The following SMYD3 variants were observed in gnomAD, a reference collection of about 807,000 sequenced individuals.
SMYD3 encodes the protein histone-lysine N-methyltransferase SMYD3.
SMYD3 carries 36 observed loss-of-function variants against 57.7 expected under a neutral mutation model. The ratio of observed to expected loss-of-function variants is 0.62; its 90% CI spans 0.48 to 0.82. The LOEUF (loss-of-function observed/expected upper bound fraction) is 0.82. Among genes scored for constraint, SMYD3 ranks in the 40% least tolerant of loss-of-function variants. The pLI, the probability that SMYD3 is intolerant of heterozygous loss-of-function variation, is 0.00. For synonymous variants in SMYD3, 211 were observed against 195.0 expected (o/e 1.08, Z -0.68); for missense variants, 515 against 538.8 (o/e 0.96, Z 0.44).
At chr1:246,250,302 T>C (rs187469999) in intron 5 of SMYD3, among the ~76,000 whole-genome samples, 2 of 152,318 alleles carry the variant, frequency 1.3e-5, no homozygotes, top group Admixed American at 1.3e-4. Context: ...ATGGAATAGC[T>C]ACCTGAAGAA....
chr1:245,912,998 C>T lies in SMYD3; in HGVS notation c.813+2532G>A, dbSNP rs182488665. On this transcript the variant is annotated intron_variant, in intron 8 of 11. Coordinates refer to ENST00000490107, the MANE Select transcript of SMYD3 (RefSeq NM_001167740.2). ...AACTAGAAATACCATTTGACCCAGC[C>T]ATCCCATTACTGGGTATATACCCAA... is the stretch of plus-strand genomic sequence containing the variant. Among the ~76,000 whole-genome samples, 360 of 152,270 alleles carry T rather than the reference C, an allele frequency of 2.4e-3. 2 individuals are homozygous for T. Among genetic ancestry groups the T allele is most frequent in the Non-Finnish European group, 3.9e-3 (268 of 68,018 alleles).
chr1:246,450,218 G>C (rs2067612020), intron 1 of SMYD3, among the ~76,000 whole-genome samples: 1 of 152,046 alleles, frequency 6.6e-6, no homozygotes, highest in Non-Finnish European at 1.5e-5. Context: ...ACGCCTCCGG[G>C]AGGCGGAGGT....
chr1:245,915,764 A>G, intron 7 of SMYD3, 124 bp from the exon 8 acceptor site: 1 of 586,850 alleles, frequency 1.7e-6, no homozygotes, highest in East Asian at 2.8e-5. Flanking sequence ...AAAATATAAG[A>G]GAGAAGGTAC....
intron 1 of SMYD3, among the ~76,000 whole-genome samples, chr1:246,455,828 C>A (rs1389129777): frequency 6.6e-6 from 1 of 152,114 alleles, no homozygotes; most frequent in Non-Finnish European, 1.5e-5. Context: ...AACTTGGAGG[C>A]AGATATAGGT....
At chr1:245,870,835 A>ACAT (rs34384524) in intron 8 of SMYD3, among the ~76,000 whole-genome samples, 136,369 of 152,030 alleles carry the variant, frequency 0.9, 62,134 homozygotes, top group East Asian at 1. Flanking sequence ...GTCAGGTTAA[A>ACAT]CACACGAATC....
intron 8 of SMYD3, 97 bp downstream of exon 8, chr1:245,915,433 G>A (rs753518898): frequency 1.4e-6 from 1 of 716,614 alleles, no homozygotes; most frequent in Non-Finnish European, 2.5e-6. Flanking sequence ...TGTACTGAGG[G>A]TCATTACTTT....
intron 1 of SMYD3, among the ~76,000 whole-genome samples, chr1:246,459,739 T>C (rs751985747): frequency 1.3e-5 from 2 of 152,146 alleles, no homozygotes; most frequent in South Asian, 2.1e-4. Flanking sequence ...GACTTGAAAC[T>C]ACTAACTCAT....
chr1:246,366,309 T>C (rs1558426994), intron 1 of SMYD3, among the ~76,000 whole-genome samples: 1 of 152,180 alleles, frequency 6.6e-6, no homozygotes, highest in Non-Finnish European at 1.5e-5. Flanking sequence ...TGTTTTTACA[T>C]ATTAAATGAC....
chr1:246,496,114 G>A (rs1475060581), intron 1 of SMYD3, among the ~76,000 whole-genome samples: 2 of 151,788 alleles, frequency 1.3e-5, no homozygotes, highest in Non-Finnish European at 2.9e-5. Flanking sequence ...TCAACTCCCC[G>A]TAACCTCTGC....
At chr1:246,501,072 T>C (rs186982334) in intron 1 of SMYD3, among the ~76,000 whole-genome samples, 1 of 152,354 alleles carries the variant, frequency 6.6e-6, no homozygotes, top group African/African-American at 2.4e-5. Flanking sequence ...TCGTTCAAGG[T>C]TCTGCTCTTT....
chr1:245,794,542 G>A (rs1303461776), intron 10 of SMYD3, among the ~76,000 whole-genome samples: 6 of 152,172 alleles, frequency 3.9e-5, no homozygotes, highest in Non-Finnish European at 7.3e-5. Flanking sequence ...GTACTTGGGG[G>A]TATGCTTTGA....
At chr1:246,331,835 T>C (rs971668004) in intron 3 of SMYD3, among the ~76,000 whole-genome samples, 1 of 152,246 alleles carries the variant, frequency 6.6e-6, no homozygotes, top group African/African-American at 2.4e-5. Flanking sequence ...GTTATTATTA[T>C]ATCTGTTACT....
At chr1:246,115,904 C>T (rs1180583220) in intron 5 of SMYD3, among the ~76,000 whole-genome samples, 4 of 152,032 alleles carry the variant, frequency 2.6e-5, no homozygotes, top group African/African-American at 9.7e-5. Context: ...TTCCGGAGGC[C>T]AAGGCGGGCA....
intron 5 of SMYD3, among the ~76,000 whole-genome samples, chr1:246,273,615 G>T (rs2148553111): frequency 9.3e-6 from 1 of 107,828 alleles, no homozygotes; most frequent in Non-Finnish European, 1.7e-5. Context: ...ACAGAGTGTT[G>T]GTCTTGTCGC....
rs561052697 is a variant in SMYD3 at position 246,397,989 on chromosome 1, C to T, written c.165-42895G>A. ...AAGAACAACAACAACAACAACAAGA[C>T]TGGTTGAGTCCTGGGTCGTGGGTCT... On this transcript the variant is annotated intron_variant, in intron 1 of 11. Transcript: ENST00000490107. 3.3e-5 allele frequency among the ~76,000 whole-genome samples: 5 copies of T among 151,320 alleles called. No individual in the cohort carries two copies. In the South Asian group the frequency reaches 8.4e-4, roughly 26 times the overall value.
chr1:246,090,522 C>T (rs58584050), intron 5 of SMYD3, among the ~76,000 whole-genome samples: 88,500 of 142,480 alleles, frequency 0.62, 28,584 homozygotes, highest in Non-Finnish European at 0.7. Flanking sequence ...TTCTCTCTCT[C>T]TTTTTTTTTT....
chr1:245,905,772 G>C (rs2054521134), intron 8 of SMYD3, among the ~76,000 whole-genome samples: 1 of 152,140 alleles, frequency 6.6e-6, no homozygotes, highest in African/African-American at 2.4e-5. Context: ...ACCCAGCACT[G>C]TGCTGGCTTC....
chr1:246,173,913 C>A (rs1230880783), intron 5 of SMYD3, among the ~76,000 whole-genome samples: 1 of 152,016 alleles, frequency 6.6e-6, no homozygotes, highest in Non-Finnish European at 1.5e-5. Context: ...CTCAAGCTAT[C>A]CTCCCACCTC....
chr1:246,332,986 A>G (rs965514634), intron 3 of SMYD3, among the ~76,000 whole-genome samples: 1 of 152,242 alleles, frequency 6.6e-6, no homozygotes. Context: ...GTCACTTAGG[A>G]CTTTCATAGC....
Sources: allele counts gnomAD v4.1 joint callset (sites outside exome capture counted in the v4.1 genomes callset), GRCh38; gene constraint gnomAD v4.1.1; transcripts MANE v1.5; gene names NCBI Gene and HGNC (gene_info 2026-07-23, HGNC 2026-07-21).